HOMER2: variants seen among roughly 807,000 people sequenced by gnomAD.
HOMER2 encodes the protein homer scaffold protein 2, also known as homer protein homolog 2.
In HOMER2, 27 loss-of-function variants were observed where a neutral mutation model predicts 47.0. The ratio of observed to expected loss-of-function variants is 0.57; its 90% confidence interval spans 0.42 to 0.79. The LOEUF is 0.79. Among genes scored for constraint, HOMER2 ranks in the 30% least tolerant of loss-of-function variants. The pLI is 0.00. For synonymous variants in HOMER2, 161 were observed against 163.8 expected (o/e 0.98, Z 0.13); for missense variants, 443 against 435.0 (o/e 1.02, Z -0.16).
intron 6 of HOMER2, chr15:82,852,735 A>G (rs557386397): frequency 1.3e-5 from 2 of 153,260 alleles, no homozygotes; most frequent in East Asian, 1.9e-4. Context: ...CTCATGGTAC[A>G]GTGGCTGCCG....
chr15:82,864,161 T>C lies in HOMER2; in HGVS notation c.387+6A>G. ...CTGGGATTTACTTCATAGACTAATG[T>C]CTTACTTGGGAATGATTACTTGAGG... On this transcript the variant is annotated splice_donor_region_variant and intron_variant, in intron 4 of 8. Coordinates refer to ENST00000450735, the MANE Select transcript of HOMER2 (RefSeq NM_004839.4). 2 of 1,591,254 alleles carry C rather than the reference T, an allele frequency of 1.3e-6. No individual in the cohort carries two copies. Among genetic ancestry groups the C allele is most frequent in the Non-Finnish European group, 1.7e-6 (2 of 1,161,528 alleles).
upstream of HOMER2, chr15:82,986,048 T>A: frequency 1.0e-6 from 1 of 985,270 alleles, no homozygotes; most frequent in Non-Finnish European, 1.2e-6. Flanking sequence ...ATGGAGGGCA[T>A]CATCCACCTT....
At chr15:82,937,419 C>T (rs901577030) in intron 1 of HOMER2, among the ~76,000 whole-genome samples, 5 of 152,122 alleles carry the variant, frequency 3.3e-5, no homozygotes, top group African/African-American at 7.2e-5. Flanking sequence ...GCCCATATTC[C>T]CTGAGTTCCA....
chr15:82,910,132 CAAAAAAA>C (rs35191408), intron 1 of HOMER2, among the ~76,000 whole-genome samples: 314 of 22,102 alleles, frequency 0.014, 2 homozygotes, highest in Middle Eastern at 0.056. Flanking sequence ...GATTCTGTCT[CAAAAAAA>C]AAAAAAAAAA....
intron 3 of HOMER2, among the ~76,000 whole-genome samples, chr15:82,874,617 T>A (rs990412451): frequency 6.6e-6 from 1 of 152,116 alleles, no homozygotes; most frequent in Non-Finnish European, 1.5e-5. Flanking sequence ...CTATGAATCC[T>A]CTCCCTAGAA....
chr15:82,891,624 C>G (rs1052902575), intron 2 of HOMER2, among the ~76,000 whole-genome samples: 2 of 152,132 alleles, frequency 1.3e-5, no homozygotes, highest in African/African-American at 4.8e-5. Context: ...TGACTCCCCA[C>G]TCCCCTGCTT....
chr15:82,959,384 T>C (rs2151249539), intron 1 of HOMER2: 1 of 152,394 alleles, frequency 6.6e-6, no homozygotes, highest in African/African-American at 2.4e-5. Flanking sequence ...CATATAGTTA[T>C]ACTTGTTTCC....
intron 5 of HOMER2, among the ~76,000 whole-genome samples, chr15:82,857,523 C>T (rs958054857): frequency 6.9e-6 from 1 of 145,544 alleles, no homozygotes; most frequent in African/African-American, 2.6e-5. Context: ...CTCCGCCTCC[C>T]GGGTTCAAGT....
chr15:82,939,574 G>A (rs2054217334), intron 1 of HOMER2, among the ~76,000 whole-genome samples: 2 of 152,182 alleles, frequency 1.3e-5, no homozygotes, highest in Non-Finnish European at 2.9e-5. Flanking sequence ...GGGGGCTGAG[G>A]CAGGAAGATC....
intron 3 of HOMER2, among the ~76,000 whole-genome samples, chr15:82,872,631 T>C (rs1251602392): frequency 2.0e-5 from 3 of 152,188 alleles, no homozygotes; most frequent in Non-Finnish European, 4.4e-5. Context: ...CCGAAAATCC[T>C]GGACACTCCA....
intron 1 of HOMER2, among the ~76,000 whole-genome samples, chr15:82,894,175 T>C (rs757948409): frequency 2.0e-5 from 3 of 152,224 alleles, no homozygotes; most frequent in Non-Finnish European, 2.9e-5. Flanking sequence ...ATATTACCTA[T>C]GTTTCTTTCT....
chr15:82,862,073 T>C (rs201965193), intron 4 of HOMER2, among the ~76,000 whole-genome samples: 16,451 of 150,248 alleles, frequency 0.11, 1,062 homozygotes, highest in East Asian at 0.21. Flanking sequence ...TCTCTCTCTT[T>C]TTTTTTTTTT....
intron 6 of HOMER2, among the ~76,000 whole-genome samples, chr15:82,853,007 A>G (rs979614667): frequency 6.6e-6 from 1 of 152,236 alleles, no homozygotes; most frequent in Admixed American, 6.5e-5. Context: ...CGTGGACCCC[A>G]CATGCAACAC....
At chr15:82,962,889 GA>G (rs2054643592) in intron 1 of HOMER2, among the ~76,000 whole-genome samples, 1 of 152,172 alleles carries the variant, frequency 6.6e-6, no homozygotes, top group Non-Finnish European at 1.5e-5. Context: ...AGAAAAGGGA[GA>G]AAACATAAAC....
chr15:82,894,935 T>A (rs931751323), intron 1 of HOMER2, among the ~76,000 whole-genome samples: 2 of 152,184 alleles, frequency 1.3e-5, no homozygotes, highest in Admixed American at 6.5e-5. Flanking sequence ...TACTCATTAT[T>A]AAAATTTTAA....
At chr15:82,984,944 C>T (rs962575247) in intron 1 of HOMER2, among the ~76,000 whole-genome samples, 3 of 152,022 alleles carry the variant, frequency 2.0e-5, no homozygotes, top group African/African-American at 4.8e-5. Flanking sequence ...AATTTTAGTT[C>T]GAAGTTAGAA....
At chr15:82,983,600 T>C (rs993001189) in intron 1 of HOMER2, among the ~76,000 whole-genome samples, 74 of 152,236 alleles carry the variant, frequency 4.9e-4, no homozygotes, top group Non-Finnish European at 1.0e-4. Context: ...TTCTTTCTTT[T>C]TTTTTTTAGA....
At chr15:82,846,388 A>G (rs925445790), downstream of HOMER2, 3 of 152,268 alleles carry the variant, frequency 2.0e-5, no homozygotes, top group African/African-American at 7.2e-5. Flanking sequence ...AAACATTCCT[A>G]AATGTCATTC....
At chr15:82,839,473 A>C (rs2051155084) in exon 2 of HOMER2, 1 of 152,380 alleles carries the variant, frequency 6.6e-6, no homozygotes, top group East Asian at 1.9e-4. Flanking sequence ...TTGTCAAGAT[A>C]CAAAGGATTT....
Sources: gnomAD v4.1 joint callset for allele counts (sites outside exome capture counted in the v4.1 genomes callset) on GRCh38, gnomAD v4.1.1 for gene constraint, MANE v1.5 for transcripts, NCBI Gene and HGNC (gene_info 2026-07-23, HGNC 2026-07-21) for gene names.